Variants in ANKHD1 observed in about 807,000 individuals in gnomAD.
ANKHD1 encodes the protein ankyrin repeat and KH domain containing 1, also known as ankyrin repeat and KH domain-containing protein 1.
ANKHD1 carries 31 observed loss-of-function variants against 230.5 expected under a neutral mutation model. That is an observed-to-expected ratio of 0.13 (90% CI 0.10 to 0.18). The LOEUF (loss-of-function observed/expected upper bound fraction) is 0.18, where lower values mean the gene tolerates loss of function less well. Ranked by LOEUF, ANKHD1 falls within the 10% of genes least tolerant of loss-of-function variation. ANKHD1 has a pLI of 1.00. For synonymous variants in ANKHD1, 1,074 were observed against 1,117.6 expected (o/e 0.96, Z 0.78); for missense variants, 2,256 against 3,071.3 (o/e 0.73, Z 6.27).
chr5:140,472,669 A>G (rs1776570733), intron 10 of ANKHD1, among the ~76,000 whole-genome samples: 1 of 152,152 alleles, frequency 6.6e-6, no homozygotes. Flanking sequence ...ACTCAGAGTG[A>G]TATTAATATA....
chr5:140,412,175 T>C (rs1770987958), intron 1 of ANKHD1, among the ~76,000 whole-genome samples: 1 of 152,046 alleles, frequency 6.6e-6, no homozygotes, highest in Non-Finnish European at 1.5e-5. Flanking sequence ...TAGCTAGGAT[T>C]ACAGGTGCGT....
chr5:140,513,043 C>A, intron 23 of ANKHD1, 120 bp downstream of exon 23: 1 of 978,076 alleles, frequency 1.0e-6, no homozygotes, highest in Non-Finnish European at 1.5e-6. Flanking sequence ...TCTCTTTATG[C>A]GTTTGTTTCT....
chr5:140,457,313 A>C (rs1775273092), intron 7 of ANKHD1, among the ~76,000 whole-genome samples: 1 of 152,262 alleles, frequency 6.6e-6, no homozygotes, highest in Non-Finnish European at 1.5e-5. Flanking sequence ...TCAAGGATCT[A>C]GAACTAGAAA....
At chr5:140,518,456 G>A (rs1461220300) in intron 24 of ANKHD1, among the ~76,000 whole-genome samples, 2 of 151,180 alleles carry the variant, frequency 1.3e-5, no homozygotes, top group African/African-American at 4.9e-5. Flanking sequence ...GCATCATCCT[G>A]ATACCAAAGC....
intron 22 of ANKHD1, 101 bp downstream of exon 22, chr5:140,510,282 T>C (rs970851699): frequency 2.4e-6 from 3 of 1,236,170 alleles, no homozygotes; most frequent in African/African-American, 3.1e-5. Context: ...TATATTTCCA[T>C]AGAAAAATCA....
Position 140,485,537 on chromosome 5 carries a change from TGAGCTGCTAA to T in ANKHD1, c.1999-49_1999-40del. On this transcript the variant is annotated intron_variant, in intron 12 of 33. Coordinates refer to ENST00000360839, the MANE Select transcript of ANKHD1 (RefSeq NM_017747.3). The surrounding 1 kb of genome is among the most constrained non-coding windows in gnomAD (Gnocchi z 4.8). ...TGTTTAAATGAGTTTTGATTTTATA[TGAGCTGCTAA>T]GAAACTATAAAGAATTAATTATCAT... is the stretch of plus-strand genomic sequence containing the variant. The T allele has an allele frequency of 6.2e-7, 1 of 1,601,066 alleles. No individual in the cohort carries two copies. Among genetic ancestry groups the T allele is most frequent in the South Asian group, 1.1e-5 (1 of 89,766 alleles).
Position 140,496,519 on chromosome 5 carries a change from GGTACATCCAAGCAGAAGTCCA to G in ANKHD1, c.2248_2268del (p.Thr750_Ser756del). 1 of 1,441,454 alleles carries G rather than the reference GGTACATCCAAGCAGAAGTCCA, an allele frequency of 6.9e-7. No individual in the cohort carries two copies. Among genetic ancestry groups the G allele is most frequent in the Non-Finnish European group, 9.2e-7 (1 of 1,087,884 alleles). 89.3% of individuals were successfully genotyped at this position (1,441,454 alleles called of 1,614,324 possible). ...CTTTCAAACATTTTTCATGTGCTTA[GGTACATCCAAGCAGAAGTCCA>G]GTTCCCTCCAGGTAGCAGATCAGGA... is the stretch of plus-strand genomic sequence containing the variant. On this transcript the variant is annotated inframe_deletion and splice_region_variant, in exon 15 of 34. Coordinates refer to ENST00000360839, the MANE Select transcript of ANKHD1 (RefSeq NM_017747.3).
intron 6 of ANKHD1, among the ~76,000 whole-genome samples, 172 bp from the exon 7 acceptor site, chr5:140,449,039 C>T (rs527563919): frequency 6.6e-6 from 1 of 152,024 alleles, no homozygotes. Flanking sequence ...TTGAAAAAAG[C>T]CTGTATATTG....
intron 1 of ANKHD1, among the ~76,000 whole-genome samples, chr5:140,429,931 GT>G (rs753486855): frequency 2.6e-5 from 4 of 152,180 alleles, no homozygotes; most frequent in African/African-American, 4.8e-5. Flanking sequence ...GTGACTGACT[GT>G]TCTTTTAGGT....
At chr5:140,492,708 G>T (rs575944345) in intron 14 of ANKHD1, among the ~76,000 whole-genome samples, 67 of 152,242 alleles carry the variant, frequency 4.4e-4, no homozygotes, top group Admixed American at 2.0e-3. Flanking sequence ...ACAGAACAAG[G>T]TTTAAGTTTT....
intron 7 of ANKHD1, among the ~76,000 whole-genome samples, chr5:140,458,055 A>G (rs532181796): frequency 6.6e-6 from 1 of 152,334 alleles, no homozygotes; most frequent in Admixed American, 6.5e-5. Context: ...CCTCATTGCA[A>G]CAAGGTGTTG....
At position 140,526,379 on chromosome 5, in the gene ANKHD1, C is replaced by G; in HGVS notation, c.4876C>G (p.Pro1626Ala). ...FVMDVNSSKY[P>A]SLLLHSQEEK... The stretch of plus-strand genomic sequence containing the variant: ...GATGGATGTGAATTCCTCTAAATAC[C>G]CCTCACTGCTCCTTCATTCCCAAGA... The change falls in exon 26 of 34, where the codon CCC becomes GCC. Residue 1626 changes from proline to alanine, a missense_variant. Around this residue, in one of 13 missense-constraint regions of ANKHD1, gnomAD observed 212 missense variants for 257.3 expected, o/e 0.82. Coordinates refer to ENST00000360839, the MANE Select transcript of ANKHD1 (RefSeq NM_017747.3). 12 of 1,614,058 alleles carry G rather than the reference C, an allele frequency of 7.4e-6. No homozygotes were observed. The highest frequency in any genetic ancestry group is 1.0e-5 in the Non-Finnish European group (12 of 1,180,024).
chr5:140,492,030 A>C (rs2127029458), intron 14 of ANKHD1, among the ~76,000 whole-genome samples: 1 of 152,338 alleles, frequency 6.6e-6, no homozygotes, highest in African/African-American at 2.4e-5. Context: ...GTAAATGTAA[A>C]GTAAGAATTA....
intron 10 of ANKHD1, among the ~76,000 whole-genome samples, chr5:140,481,149 T>C (rs927247590): frequency 6.6e-6 from 1 of 152,074 alleles, no homozygotes; most frequent in African/African-American, 2.4e-5. Context: ...AAATGGGCAA[T>C]TTATTTCCAG....
rs540544442 is a variant in ANKHD1, at chr5:140,458,945, CATAT to C, written c.1480+114_1480+117del. 2.9e-3 allele frequency: 243 copies of C among 83,762 alleles called. 3 individuals are homozygous for C. Among genetic ancestry groups the C allele is most frequent in the African/African-American group, 0.011 (195 of 17,166 alleles). 5.2% of individuals were successfully genotyped at this position (83,762 alleles called of 1,614,324 possible). ...TACTGGTGAAGTTTACTACAGCTAG[CATAT>C]ATATATATATATATATATATATATA... On this transcript the variant is annotated intron_variant, in intron 8 of 33. Transcript: ENST00000360839.
At chr5:140,510,829 G>C (rs1035829451) in intron 22 of ANKHD1, among the ~76,000 whole-genome samples, 25 of 151,828 alleles carry the variant, frequency 1.6e-4, no homozygotes, top group African/African-American at 5.8e-4. Flanking sequence ...GTGTGTGTGT[G>C]TGTGTGTGAG....
chr5:140,520,054 T>C (rs1188972463), intron 24 of ANKHD1, among the ~76,000 whole-genome samples: 1 of 149,372 alleles, frequency 6.7e-6, no homozygotes, highest in Non-Finnish European at 1.5e-5. Flanking sequence ...ATATCCAGAA[T>C]CTACAATGAA....
intron 22 of ANKHD1, among the ~76,000 whole-genome samples, chr5:140,511,358 C>T (rs1752761250): frequency 6.6e-6 from 1 of 152,152 alleles, no homozygotes; most frequent in Non-Finnish European, 1.5e-5. Context: ...TTTCAACTGC[C>T]TCAGGGCCTT....
At chr5:140,537,341 A>G (rs1490211975) in intron 30 of ANKHD1, 48 bp from the exon 31 acceptor site, 1 of 1,567,404 alleles carries the variant, frequency 6.4e-7, no homozygotes, top group South Asian at 1.2e-5. Context: ...CCACCAGGTG[A>G]CTCTCCTATT....
Sources: allele counts gnomAD v4.1 joint callset (sites outside exome capture counted in the v4.1 genomes callset), GRCh38; gene constraint gnomAD v4.1.1; regional missense constraint gnomAD v4.1.1; non-coding constraint Gnocchi (gnomAD v3.1); transcripts MANE v1.5; gene names NCBI Gene and HGNC (gene_info 2026-07-23, HGNC 2026-07-21).